ZNF506: variants seen among roughly 807,000 people sequenced by gnomAD.
The protein encoded by ZNF506 is zinc finger protein 506.
ZNF506 carries 10 observed loss-of-function variants against 11.6 expected under a neutral mutation model. That is an observed-to-expected ratio of 0.86 (90% CI 0.53 to 1.46). The LOEUF (loss-of-function observed/expected upper bound fraction) is 1.46, where lower values mean the gene tolerates loss of function less well. ZNF506 is among the 40% of genes most tolerant of loss of function. The probability of loss-of-function intolerance (pLI) is 0.00; values close to 1 mark genes in which losing one functional copy is unlikely to be tolerated. For synonymous variants in ZNF506, 156 were observed against 173.3 expected, an observed-to-expected ratio of 0.90 and a Z score of 0.78; for missense variants, 425 against 521.2, an observed-to-expected ratio of 0.82 and a Z score of 1.80.
At chr19:19,801,103 T>C (rs1295856862) in intron 3 of ZNF506, among the ~76,000 whole-genome samples, 1 of 151,884 alleles carries the variant, frequency 6.6e-6, no homozygotes, top group Non-Finnish European at 1.5e-5. Context: ...GAGGTTGCAG[T>C]AAGCTAAGAT....
At chr19:19,797,611 G>C (rs2062754188) in intron 3 of ZNF506, 1 of 151,808 alleles carries the variant, frequency 6.6e-6, no homozygotes, top group East Asian at 1.9e-4. Context: ...TTTCTTAAAA[G>C]AAAAAATTGT....
chr19:19,821,118 T>C (rs2062964394), intron 1 of ZNF506, among the ~76,000 whole-genome samples: 1 of 152,206 alleles, frequency 6.6e-6, no homozygotes, highest in Non-Finnish European at 1.5e-5. Flanking sequence ...CAGGCTTGTC[T>C]TGAACTCCTG....
intron 3 of ZNF506, chr19:19,799,358 T>C (rs2062771643): frequency 7.4e-6 from 4 of 539,284 alleles, no homozygotes; most frequent in Non-Finnish European, 1.3e-5. Context: ...AAAAAACAAT[T>C]ATTTCTAATG....
At position 19,794,765 on chromosome 19, in the gene ZNF506, A is replaced by AC. The variant is rs1482405319; in HGVS notation, c.1121dup (p.Cys374TrpfsTer13). ...TTGAGAATGCAGTAAAGGCTTTGCC[A>AC]CATTCTTCACACTTGTAGGGTTTCT... On this transcript the variant is annotated frameshift_variant, in exon 4 of 4. Coordinates refer to ENST00000540806, the MANE Select transcript of ZNF506 (RefSeq NM_001099269.3). LOFTEE classifies it low-confidence loss of function (END_TRUNC). 5 of 1,613,864 alleles carry AC rather than the reference A, an allele frequency of 3.1e-6. No homozygotes were observed. In the Admixed American group the frequency reaches 8.3e-5, roughly 27 times the overall value.
At chr19:19,803,737 C>T (rs1197351410) in intron 3 of ZNF506, among the ~76,000 whole-genome samples, 3 of 152,128 alleles carry the variant, frequency 2.0e-5, no homozygotes, top group Non-Finnish European at 4.4e-5. Context: ...TTTATGAAAA[C>T]TTGAAGAGGT....
intron 3 of ZNF506, among the ~76,000 whole-genome samples, chr19:19,804,624 A>G (rs551952739): frequency 6.6e-6 from 1 of 152,266 alleles, no homozygotes; most frequent in Non-Finnish European, 1.5e-5. Context: ...CTATAAAGAC[A>G]CATGCACACG....
chr19:19,816,502 C>A (rs2062932630), intron 1 of ZNF506, among the ~76,000 whole-genome samples: 1 of 152,186 alleles, frequency 6.6e-6, no homozygotes, highest in Non-Finnish European at 1.5e-5. Context: ...GGACTACAGG[C>A]ACCTGCCACC....
At chr19:19,816,506 T>C (rs919767673) in intron 1 of ZNF506, among the ~76,000 whole-genome samples, 9 of 152,308 alleles carry the variant, frequency 5.9e-5, no homozygotes, top group Middle Eastern at 3.4e-3. Context: ...TACAGGCACC[T>C]GCCACCACGC....
intron 3 of ZNF506, 142 bp downstream of exon 3, chr19:19,805,889 A>G: frequency 2.8e-6 from 2 of 704,054 alleles, no homozygotes; most frequent in Middle Eastern, 2.9e-4. Context: ...AGAAAAAAGA[A>G]AAGAAAAGAA....
At chr19:19,820,056 CACTGCA>C (rs895676609) in intron 1 of ZNF506, among the ~76,000 whole-genome samples, 3 of 150,860 alleles carry the variant, frequency 2.0e-5, no homozygotes, top group African/African-American at 7.3e-5. Context: ...GAGATCGCCC[CACTGCA>C]CTCCAGCATG....
At chr19:19,803,962 T>C (rs2062815285) in intron 3 of ZNF506, among the ~76,000 whole-genome samples, 2 of 151,956 alleles carry the variant, frequency 1.3e-5, no homozygotes, top group African/African-American at 4.8e-5. Flanking sequence ...TTACATTTGC[T>C]GAGGTGTGGT....
At chr19:19,802,266 A>C (rs2062801200) in intron 3 of ZNF506, among the ~76,000 whole-genome samples, 1 of 152,132 alleles carries the variant, frequency 6.6e-6, no homozygotes, top group Admixed American at 6.6e-5. Flanking sequence ...CTGTGTACTC[A>C]TTAAATGCAG....
chr19:19,821,576 C>G (rs550822340), intron 1 of ZNF506, 25 bp downstream of exon 1: 2 of 1,614,030 alleles, frequency 1.2e-6, no homozygotes, highest in Non-Finnish European at 1.7e-6. Flanking sequence ...CTCCCTCTCT[C>G]GGGATGTCGA....
chr19:19,802,096 T>C (rs1011340887), intron 3 of ZNF506, among the ~76,000 whole-genome samples: 2 of 150,886 alleles, frequency 1.3e-5, no homozygotes, highest in Non-Finnish European at 2.9e-5. Context: ...TTGCAGCTAC[T>C]TGGGAGGCTG....
chr19:19,813,354 T>C (rs2062898832), intron 1 of ZNF506, among the ~76,000 whole-genome samples: 1 of 152,178 alleles, frequency 6.6e-6, no homozygotes, highest in Admixed American at 6.5e-5. Context: ...TTTTTAAAAA[T>C]TGCAACTATA....
At chr19:19,805,670 A>C (rs1344444355) in intron 3 of ZNF506, among the ~76,000 whole-genome samples, 1 of 134,850 alleles carries the variant, frequency 7.4e-6, no homozygotes, top group Non-Finnish European at 1.5e-5. Flanking sequence ...AGAGAACTTA[A>C]AGAGTTTTAG....
Position 19,793,437 on chromosome 19 carries a change from T to G in ZNF506, c.*1115A>C, listed in dbSNP as rs183006091. On this transcript the variant is annotated 3_prime_UTR_variant, in exon 4 of 4. Coordinates refer to ENST00000540806, the MANE Select transcript of ZNF506 (RefSeq NM_001099269.3). Reference sequence around the variant, plus strand: ...TCCAAATTCATTATATTTGCAGGACTCTTCTCCAATATAAATTCCATGTTG... The same window carrying G: ...TCCAAATTCATTATATTTGCAGGACGCTTCTCCAATATAAATTCCATGTTG... Among the ~76,000 whole-genome samples the G allele has an allele frequency of 1.2e-4, 18 of 152,326 alleles. No individual in the cohort carries two copies. The East Asian group carries it at 1.3e-3, about 11-fold the overall frequency.
At chr19:19,813,618 T>C (rs2062901730) in intron 1 of ZNF506, among the ~76,000 whole-genome samples, 1 of 152,184 alleles carries the variant, frequency 6.6e-6, no homozygotes, top group Non-Finnish European at 1.5e-5. Context: ...GCAGCACTAT[T>C]CACAATAGCA....
chr19:19,813,115 G>C (rs1452898460), intron 1 of ZNF506, among the ~76,000 whole-genome samples: 1 of 152,104 alleles, frequency 6.6e-6, no homozygotes, highest in East Asian at 1.9e-4. Flanking sequence ...GGTGGTGTTT[G>C]GGTGGCCACA....
Sources: gnomAD v4.1 joint callset for allele counts (sites outside exome capture counted in the v4.1 genomes callset) on GRCh38, gnomAD v4.1.1 for gene constraint, MANE v1.5 for transcripts, NCBI Gene and HGNC (gene_info 2026-07-23, HGNC 2026-07-21) for gene names.